NALCN: variants seen among roughly 807,000 people sequenced by gnomAD.
NALCN encodes sodium leak channel, non-selective.
Under a neutral mutation model 225.3 loss-of-function variants are expected in NALCN, and 111 were observed. The ratio of observed to expected loss-of-function variants is 0.49; its 90% CI spans 0.42 to 0.58. The LOEUF (loss-of-function observed/expected upper bound fraction) is 0.58. Ranked by LOEUF, NALCN falls within the 20% of genes least tolerant of loss-of-function variation. The pLI is 0.00. For missense variants in NALCN, 1,378 were observed against 2,202.4 expected, an observed-to-expected ratio of 0.63 and a Z score of 7.49; for synonymous variants, 764 against 769.0, an observed-to-expected ratio of 0.99 and a Z score of 0.11.
At chr13:101,148,195 G>A (rs1377370639) in intron 15 of NALCN, among the ~76,000 whole-genome samples, 2 of 152,120 alleles carry the variant, frequency 1.3e-5, no homozygotes, top group African/African-American at 4.8e-5. Context: ...TCAGCATTCT[G>A]GAGGCTAGAA....
chr13:101,415,228 T>TATATATATATATATATACATAC (rs137895468), intron 1 of NALCN, among the ~76,000 whole-genome samples: 1 of 129,236 alleles, frequency 7.7e-6, no homozygotes, highest in African/African-American at 2.9e-5. Context: ...TATATATACA[T>TATATATATATATATATACATAC]ACATATATAT....
At chr13:101,413,506 T>C (rs1257980872) in intron 1 of NALCN, among the ~76,000 whole-genome samples, 1 of 151,870 alleles carries the variant, frequency 6.6e-6, no homozygotes, top group Non-Finnish European at 1.5e-5. Context: ...ATTTACAATT[T>C]TTAAGTAAGA....
intron 1 of NALCN, among the ~76,000 whole-genome samples, chr13:101,408,132 G>A (rs997792405): frequency 1.3e-5 from 2 of 152,180 alleles, no homozygotes; most frequent in African/African-American, 2.4e-5. Context: ...TGCTGTCCAT[G>A]TCTTCTTTCA....
chr13:101,354,275 A>G (rs924798778), intron 6 of NALCN, among the ~76,000 whole-genome samples: 1 of 152,158 alleles, frequency 6.6e-6, no homozygotes, highest in African/African-American at 2.4e-5. Flanking sequence ...CCCAGCGGGT[A>G]GAGGTTGCAC....
intron 13 of NALCN, among the ~76,000 whole-genome samples, chr13:101,198,448 AAAAC>A (rs1280606361): frequency 6.6e-6 from 1 of 152,238 alleles, no homozygotes; most frequent in Non-Finnish European, 1.5e-5. Flanking sequence ...TTATAAGAAG[AAAAC>A]AAACAACCCC....
intron 10 of NALCN, among the ~76,000 whole-genome samples, chr13:101,260,620 A>G (rs530288733): frequency 6.6e-6 from 1 of 152,348 alleles, no homozygotes; most frequent in Admixed American, 6.5e-5. Context: ...TCTGATGATC[A>G]ATGATGTTGA....
In NALCN at chr13:101,174,920, T is replaced by C. The variant is rs192686976; in HGVS notation, c.1839+1380A>G. 5.6e-4 allele frequency among the ~76,000 whole-genome samples: 86 copies of C among 152,322 alleles called. 2 individuals are homozygous for C. The East Asian group carries it at 0.015, about 27-fold the overall frequency. Reference sequence around the variant, plus strand: ...AGCTCAATACCAGATTTGTAAAGCATGGACTAAAGTGGTTCTACAGCAGCA... The same window carrying C: ...AGCTCAATACCAGATTTGTAAAGCACGGACTAAAGTGGTTCTACAGCAGCA... On this transcript the variant is annotated intron_variant, in intron 15 of 43. Transcript: ENST00000251127.
At chr13:101,294,560 C>CTTTTTT (rs10615640) in intron 7 of NALCN, among the ~76,000 whole-genome samples, 8 of 87,856 alleles carry the variant, frequency 9.1e-5, no homozygotes, top group Admixed American at 3.6e-4. Context: ...TTTATTGTTT[C>CTTTTTT]TTTTTTTTTT....
chr13:101,082,734 G>A, intron 33 of NALCN, 75 bp downstream of exon 33: 1 of 1,413,840 alleles, frequency 7.1e-7, no homozygotes, highest in Non-Finnish European at 1.0e-6. Context: ...AGAGTAAGTG[G>A]CATCAAAGAG....
rs112981545 is a variant in NALCN, at chr13:101,256,434, T to C, written c.1266+2009A>G. ...CTGAAAAAAATCCCTAAAGGTGGAT[T>C]GATTTAAATGTTGCTTTTCCCTCTT... On this transcript the variant is annotated intron_variant, in intron 11 of 43. Transcript: ENST00000251127. Among the ~76,000 whole-genome samples, 1,168 of 152,310 alleles carry C rather than the reference T, an allele frequency of 7.7e-3. 19 individuals are homozygous for C. Among genetic ancestry groups the C allele is most frequent in the African/African-American group, 0.027 (1,128 of 41,564 alleles).
intron 17 of NALCN, among the ~76,000 whole-genome samples, chr13:101,128,292 C>T (rs2036340313): frequency 6.6e-6 from 1 of 152,152 alleles, no homozygotes; most frequent in Non-Finnish European, 1.5e-5. Flanking sequence ...TTTAAATTAT[C>T]AACAATATAG....
chr13:101,179,274 A>C (rs963795801), intron 14 of NALCN, among the ~76,000 whole-genome samples: 1 of 152,112 alleles, frequency 6.6e-6, no homozygotes, highest in Non-Finnish European at 1.5e-5. Flanking sequence ...TCTCGTTTGT[A>C]AAATATTACA....
chr13:101,155,155 A>T (rs1482378785), intron 15 of NALCN, among the ~76,000 whole-genome samples: 1 of 152,226 alleles, frequency 6.6e-6, no homozygotes, highest in East Asian at 1.9e-4. Flanking sequence ...AGAGTTGCAA[A>T]GATAGTACAG....
intron 17 of NALCN, chr13:101,142,705 T>C (rs2037147150): frequency 4.6e-6 from 1 of 216,456 alleles, no homozygotes. Context: ...TGCTCTCGTA[T>C]CCTCTCTGAT....
intron 11 of NALCN, among the ~76,000 whole-genome samples, chr13:101,254,622 T>C (rs1467409261): frequency 7.5e-6 from 1 of 133,216 alleles, no homozygotes; most frequent in Non-Finnish European, 1.7e-5. Flanking sequence ...CCGGGCGCGG[T>C]GGCTCACGCC....
intron 7 of NALCN, among the ~76,000 whole-genome samples, chr13:101,310,169 T>C (rs886515181): frequency 1.3e-5 from 2 of 152,218 alleles, no homozygotes; most frequent in Non-Finnish European, 2.9e-5. Context: ...TTCTATTCTC[T>C]GCCCAGCAAG....
intron 7 of NALCN, among the ~76,000 whole-genome samples, chr13:101,320,655 T>G (rs912279936): frequency 1.3e-5 from 2 of 152,178 alleles, no homozygotes; most frequent in Non-Finnish European, 2.9e-5. Context: ...AAGGGTCCAT[T>G]ACCAGTTTTT....
chr13:101,359,317 T>C (rs2046156109), intron 6 of NALCN, among the ~76,000 whole-genome samples: 1 of 152,218 alleles, frequency 6.6e-6, no homozygotes, highest in Non-Finnish European at 1.5e-5. Flanking sequence ...AGGAGATGCT[T>C]GCTCCCTAGG....
At chr13:101,166,138 T>A (rs2038427922) in intron 15 of NALCN, among the ~76,000 whole-genome samples, 1 of 152,168 alleles carries the variant, frequency 6.6e-6, no homozygotes, top group Non-Finnish European at 1.5e-5. Flanking sequence ...TTTGTTTATC[T>A]ATTCATCCAC....
Sources: allele counts gnomAD v4.1 joint callset (sites outside exome capture counted in the v4.1 genomes callset), GRCh38; gene constraint gnomAD v4.1.1; transcripts MANE v1.5; gene names NCBI Gene and HGNC (gene_info 2026-07-23, HGNC 2026-07-21).